Variants in GTF3A observed in about 807,000 individuals in gnomAD.
GTF3A encodes the protein general transcription factor IIIA.
Under a neutral mutation model 37.6 loss-of-function variants are expected in GTF3A, and 40 were observed. That is an observed-to-expected ratio of 1.06 (90% CI 0.83 to 1.38). The LOEUF is 1.38. Ranked by LOEUF, GTF3A falls within the 40% of genes most tolerant of loss-of-function variation. GTF3A has a pLI of 0.00. For missense variants in GTF3A, 500 were observed against 462.6 expected (o/e 1.08, Z -0.74); for synonymous variants, 191 against 166.7 (o/e 1.15, Z -1.12).
In GTF3A at chr13:27,424,755, G is replaced by T; in HGVS notation, c.18G>T (p.Val6=). Residue 6 remains valine (V), a synonymous_variant, in exon 1 of 9, where the codon GTG becomes GTT. Transcript: ENST00000381140. ...CCGGCGCCCTGGATCCGCCGGCCGTGGTCGCCGAGTCGGTGTCGTCCTTGA... is the reference window on the plus strand; with the variant it reads ...CCGGCGCCCTGGATCCGCCGGCCGTTGTCGCCGAGTCGGTGTCGTCCTTGA... 1 of 1,482,630 alleles carries T rather than the reference G, an allele frequency of 6.7e-7. No individual in the cohort carries two copies. The highest frequency in any genetic ancestry group is 9.0e-7 in the Non-Finnish European group (1 of 1,115,960). The allele number at this position is 1,482,630 out of a possible 1,614,324, so 91.8% of individuals were successfully genotyped here.
At chr13:27,428,984 G>A (rs936903431) in intron 2 of GTF3A, among the ~76,000 whole-genome samples, 4 of 152,144 alleles carry the variant, frequency 2.6e-5, no homozygotes, top group African/African-American at 9.7e-5. Context: ...GCCATGAGCC[G>A]CCCTAATTGC....
At position 27,434,801 on chromosome 13, in the gene GTF3A, C is replaced by T. The variant is rs189742565; in HGVS notation, c.644-4C>T. 1.4e-3 allele frequency: 2,161 copies of T among 1,574,164 alleles called. 8 individuals carry two copies. Among genetic ancestry groups the T allele is most frequent in the Admixed American group, 2.2e-3 (127 of 58,054 alleles). ...TTGTGAAATTTGTCTGTCTGTCCCACCAGAGGAAATACTATGTGAAGTATG... is the reference window on the plus strand; with the variant it reads ...TTGTGAAATTTGTCTGTCTGTCCCATCAGAGGAAATACTATGTGAAGTATG... On this transcript the variant is annotated splice_region_variant and splice_polypyrimidine_tract_variant and intron_variant, in intron 6 of 8. Transcript: ENST00000381140.
At position 27,435,578 on chromosome 13, in the gene GTF3A, C is replaced by A; in HGVS notation, c.1079C>A (p.Ala360Glu). Residue 360 changes from alanine to glutamate, a missense_variant, in exon 9 of 9, where the codon GCA becomes GAA. By Grantham distance (107) the Ala-to-Glu change is moderately radical. Transcript: ENST00000381140. ...GAAGACAAGATGCTCTCGACAGTTG[C>A]AGTACTTACCCTTGGCTAAGAACTG... The A allele has an allele frequency of 6.2e-7, 1 of 1,613,582 alleles. No individual in the cohort carries two copies. Among genetic ancestry groups the A allele is most frequent in the East Asian group, 2.2e-5 (1 of 44,872 alleles).
intron 4 of GTF3A, among the ~76,000 whole-genome samples, 173 bp from the exon 5 acceptor site, chr13:27,432,558 A>G (rs547027234): frequency 6.6e-6 from 1 of 152,310 alleles, no homozygotes; most frequent in South Asian, 2.1e-4. Context: ...TTTTGTCCTA[A>G]AGCTGGTCAA....
rs1491002367 is a variant in GTF3A, at chr13:27,435,048, C to T, written c.873+14C>T. 2 of 1,539,738 alleles carry T rather than the reference C, an allele frequency of 1.3e-6. No homozygotes were observed. Among genetic ancestry groups the T allele is most frequent in the Non-Finnish European group, 1.8e-6 (2 of 1,112,204 alleles). On this transcript the variant is annotated intron_variant, in intron 7 of 8. Transcript: ENST00000381140. ...TTTGCAATGAAAGTAAGCACTCACC[C>T]TCATACTCATGGTCCTATAGTCTAT... is the stretch of plus-strand genomic sequence containing the variant.
intron 5 of GTF3A, among the ~76,000 whole-genome samples, 167 bp from the exon 6 acceptor site, chr13:27,433,972 C>T (rs1363934184): frequency 6.6e-6 from 1 of 152,152 alleles, no homozygotes; most frequent in Non-Finnish European, 1.5e-5. Flanking sequence ...TTCAGTTTTA[C>T]TATAACATCA....
At chr13:27,431,332 T>G (rs555493062) in intron 4 of GTF3A, among the ~76,000 whole-genome samples, 25 of 152,288 alleles carry the variant, frequency 1.6e-4, no homozygotes, top group African/African-American at 6.0e-4. Context: ...AAAAGACACA[T>G]GCACACACGT....
In GTF3A at chr13:27,434,743, T is replaced by C. The variant is rs1224125982; in HGVS notation, c.644-62T>C. On this transcript the variant is annotated intron_variant, in intron 6 of 8. Transcript: ENST00000381140. ...TGAATGTTACTTATATATTAGGTAT[T>C]AATTTTTTCTAAATGGTAATATCTG... 3.5e-6 allele frequency: 3 copies of C among 852,650 alleles called. No homozygotes were observed. In the African/African-American group the frequency reaches 5.1e-5, roughly 15 times the overall value. 52.8% of individuals were successfully genotyped at this position (852,650 alleles called of 1,614,324 possible).
At position 27,435,801 on chromosome 13, in the gene GTF3A, C is replaced by T. The variant is rs1210080325; in HGVS notation, c.*204C>T. On this transcript the variant is annotated 3_prime_UTR_variant, in exon 9 of 9. Coordinates refer to ENST00000381140, the MANE Select transcript of GTF3A (RefSeq NM_002097.3). ...TTTTGCTGAAAGCACGAAGAACACA[C>T]ATTAAAGCTTTTCCTCCTTGAACAG... The T allele has an allele frequency of 1.2e-5, 19 of 1,614,030 alleles. No homozygotes were observed. Among genetic ancestry groups the T allele is most frequent in the African/African-American group, 5.3e-5 (4 of 74,910 alleles).
Position 27,435,679 on chromosome 13 carries a change from T to C in GTF3A, c.*82T>C, listed in dbSNP as rs756731092. The C allele has an allele frequency of 1.9e-6, 3 of 1,613,612 alleles. No homozygotes were observed. The highest frequency in any genetic ancestry group is 2.2e-5 in the East Asian group (1 of 44,878). ...GCATGCTTTTCTTTATTAAAATTAC[T>C]GATGCAGAACATTTGATTCCTTATC... On this transcript the variant is annotated 3_prime_UTR_variant, in exon 9 of 9. Transcript: ENST00000381140.
At chr13:27,430,382 T>C (rs1446338491) in intron 3 of GTF3A, 151 bp from the exon 4 acceptor site, 1 of 569,230 alleles carries the variant, frequency 1.8e-6, no homozygotes, top group Non-Finnish European at 3.1e-6. Context: ...TCAAACCTTT[T>C]TGAGATAAAG....
At position 27,429,935 on chromosome 13, in the gene GTF3A, G is replaced by A. The variant is rs777122262; in HGVS notation, c.368G>A (p.Arg123His). 40 of 1,531,840 alleles carry A rather than the reference G, an allele frequency of 2.6e-5. No homozygotes were observed. Among genetic ancestry groups the A allele is most frequent in the South Asian group, 2.4e-4 (19 of 80,354 alleles). The allele number at this position is 1,531,840 out of a possible 1,614,324, so 94.9% of individuals were successfully genotyped here. ...TCAAACTTGAAGAAACATTTTGAACGCAAACATGAAAATCAACAAAAACAA... is the reference window on the plus strand; with the variant it reads ...TCAAACTTGAAGAAACATTTTGAACACAAACATGAAAATCAACAAAAACAA... The change falls in exon 3 of 9, where the codon CGC (arginine) becomes CAC (histidine). Residue 123 changes from arginine (R) to histidine (H), a missense_variant. By Grantham distance (29) the Arg-to-His change is conservative (BLOSUM62 0). Coordinates refer to ENST00000381140, the MANE Select transcript of GTF3A (RefSeq NM_002097.3).
At chr13:27,425,287 A>G in intron 1 of GTF3A, 1 of 263,224 alleles carries the variant, frequency 3.8e-6, no homozygotes, top group Non-Finnish European at 7.3e-6. Context: ...AAGATGGGTT[A>G]CATGTACCAG....
Position 27,435,158 on chromosome 13 carries a change from T to C in GTF3A, c.899T>C (p.Val300Ala), listed in dbSNP as rs945658969. 13 of 1,606,344 alleles carry C rather than the reference T, an allele frequency of 8.1e-6. No homozygotes were observed. Among genetic ancestry groups the C allele is most frequent in the Non-Finnish European group, 1.1e-5 (13 of 1,177,672 alleles). The change falls in exon 8 of 9, where the codon GTA becomes GCA. Residue 300 changes from valine (V) to alanine (A), a missense_variant. Coordinates refer to ENST00000381140, the MANE Select transcript of GTF3A (RefSeq NM_002097.3). ...CAAAGTCTCACTAGGCATGCTGTTG[T>C]ACATGATCCTGACAAGAAGAAAATG...
Position 27,430,640 on chromosome 13 carries a change from T to TA in GTF3A, c.488+19_488+20insA. 1 of 1,429,796 alleles carries TA rather than the reference T, an allele frequency of 7.0e-7. No homozygotes were observed. The highest frequency in any genetic ancestry group is 1.2e-5 in the South Asian group (1 of 86,194). 88.6% of individuals were successfully genotyped at this position (1,429,796 alleles called of 1,614,324 possible). A position where few individuals can be genotyped will look rare whatever the true frequency, so the allele number is the denominator to read the frequency against. On this transcript the variant is annotated intron_variant, in intron 4 of 8. Transcript: ENST00000381140. ...TATTCAAGTAGGTACTTCATGTGGCTGAAAATGCCTGGATTCTAGGTGTGA... is the reference window on the plus strand; with the variant it reads ...TATTCAAGTAGGTACTTCATGTGGCTAGAAAATGCCTGGATTCTAGGTGTGA...
At chr13:27,430,014 ACTGC>A (rs999865297) in intron 3 of GTF3A, 48 bp downstream of exon 3, 2 of 995,890 alleles carry the variant, frequency 2.0e-6, no homozygotes, top group African/African-American at 3.3e-5. Context: ...TTTTACACTT[ACTGC>A]CTATGTTTCT....
chr13:27,433,718 T>C (rs1185591417), intron 5 of GTF3A, among the ~76,000 whole-genome samples: 1 of 151,756 alleles, frequency 6.6e-6, no homozygotes, highest in African/African-American at 2.4e-5. Flanking sequence ...CTGAGGAAAA[T>C]AGAGGCGAGG....
intron 1 of GTF3A, chr13:27,425,958 C>T (rs1266687798): frequency 6.5e-6 from 1 of 152,882 alleles, no homozygotes; most frequent in Non-Finnish European, 1.5e-5. Context: ...TTCTTTTCCT[C>T]TTCCTCGTCT....
At position 27,424,654 on chromosome 13, in the gene GTF3A, G is replaced by T. The variant is rs1044005054; in HGVS notation, c.-84G>T. The T allele has an allele frequency of 9.3e-5, 96 of 1,035,834 alleles. No homozygotes were observed. The highest frequency in any genetic ancestry group is 1.2e-4 in the Non-Finnish European group (92 of 774,742). The allele number at this position is 1,035,834 out of a possible 1,614,324, so 64.2% of individuals were successfully genotyped here. The stretch of plus-strand genomic sequence containing the variant: ...GCGTCGCGCGAAGGTTCAGCAGGGA[G>T]CCGTGGGCCGGGCGCGCCGGTTCCC... On this transcript the variant is annotated 5_prime_UTR_variant, in exon 1 of 9. Transcript: ENST00000381140.
Sources: allele counts gnomAD v4.1 joint callset (sites outside exome capture counted in the v4.1 genomes callset), GRCh38; gene constraint gnomAD v4.1.1; transcripts MANE v1.5; gene names NCBI Gene and HGNC (gene_info 2026-07-23, HGNC 2026-07-21).